Variants in CCDC187 observed in about 807,000 individuals in gnomAD.
The protein encoded by CCDC187 is coiled-coil domain containing 187, also known as coiled-coil domain-containing protein 187.
In CCDC187, 32 loss-of-function variants were observed where a neutral mutation model predicts 38.0. That is an observed-to-expected ratio of 0.84 (90% CI 0.64 to 1.13). The LOEUF (loss-of-function observed/expected upper bound fraction) is 1.13. CCDC187 is among the 50% of genes most tolerant of loss of function. The pLI is 0.00. For missense variants in CCDC187, 707 were observed against 786.8 expected, an observed-to-expected ratio of 0.90 and a Z score of 1.21; for synonymous variants, 333 against 347.9, an observed-to-expected ratio of 0.96 and a Z score of 0.48.
At chr9:136,300,197 G>T in intron 3 of CCDC187, 23 bp downstream of exon 3, 1 of 398,608 alleles carries the variant, frequency 2.5e-6, no homozygotes, top group South Asian at 1.3e-4. Context: ...GAGCACCAGG[G>T]CAGCCGCCGC....
At chr9:136,273,758 C>G (rs1830879398) in intron 14 of CCDC187, among the ~76,000 whole-genome samples, 1 of 152,348 alleles carries the variant, frequency 6.6e-6, no homozygotes, top group Admixed American at 6.5e-5. Flanking sequence ...AGGCCAAAAC[C>G]TAAGTCTGGA....
In CCDC187 at chr9:136,264,902, T is replaced by C. The variant is rs1265733638; in HGVS notation, c.3735+1054A>G. Among the ~76,000 whole-genome samples the C allele has an allele frequency of 2.0e-5, 3 of 152,142 alleles. No homozygotes were observed. The highest frequency in any genetic ancestry group is 4.8e-5 in the African/African-American group (2 of 41,444). On this transcript the variant is annotated intron_variant, in intron 17 of 25. Transcript: ENST00000638797. The surrounding 1 kb of genome is among the most constrained non-coding windows in gnomAD (Gnocchi z 4.3). ...CACCAAATAGCTGGGACTATAGGCA[T>C]TGGCCACCTATAGTGGCAGATTTAT...
rs1272458399 is a variant in CCDC187, at chr9:136,290,842, C to T, written c.1771G>A (p.Gly591Ser). 2.5e-5 allele frequency: 10 copies of T among 398,466 alleles called. No individual in the cohort carries two copies. Among genetic ancestry groups the T allele is most frequent in the South Asian group, 1.3e-4 (1 of 7,870 alleles). The allele number at this position is 398,466 out of a possible 1,614,324, so 24.7% of individuals were successfully genotyped here. ...TGCTTGGCAGCCGAGACGGGGGAGC[C>T]GATGCCTCTGCCCTTGCCCTGGGGG... ...AGPQGKGRGI[G>S]SPVSAAKHAL... The change falls in exon 6 of 26, where the codon GGC (glycine) becomes AGC (serine). Residue 591 changes from glycine (G) to serine (S), a missense_variant. Gly to Ser is a moderately conservative substitution (Grantham distance 56). Coordinates refer to ENST00000638797, the MANE Select transcript of CCDC187 (RefSeq NM_001378188.1).
rs1409546934 is a variant in CCDC187, at chr9:136,252,404, G to A, written c.*1190C>T. The A allele has an allele frequency of 1.6e-5, 3 of 193,536 alleles. No individual in the cohort carries two copies. The highest frequency in any genetic ancestry group is 3.2e-5 in the Non-Finnish European group (3 of 93,046). 12.0% of individuals were successfully genotyped at this position (193,536 alleles called of 1,614,324 possible). ...AGGGGAAGGTCCAGGCAACCGTCCC[G>A]CACAGCCGGCCGCCCACCCTGTCCA... On this transcript the variant is annotated 3_prime_UTR_variant, in exon 26 of 26. Transcript: ENST00000638797.
intron 2 of CCDC187, among the ~76,000 whole-genome samples, chr9:136,301,284 C>G (rs1220758035): frequency 2.6e-5 from 4 of 152,078 alleles, no homozygotes; most frequent in Non-Finnish European, 5.9e-5. Context: ...TTATACCTCC[C>G]ACCGCTACGA....
chr9:136,284,644 G>A (rs1443259274), intron 9 of CCDC187, among the ~76,000 whole-genome samples: 8 of 152,018 alleles, frequency 5.3e-5, no homozygotes, highest in Admixed American at 2.0e-4. Flanking sequence ...CCCTGGACAG[G>A]GATCCCGGCC....
rs1403251459 is a variant in CCDC187 at position 136,253,714 on chromosome 9, C to T, written c.6114G>A (p.Pro2038=). 4 of 985,280 alleles carry T rather than the reference C, an allele frequency of 4.1e-6. No individual in the cohort carries two copies. The highest frequency in any genetic ancestry group is 6.2e-5 in the Admixed American group (1 of 16,254). The allele number at this position is 985,280 out of a possible 1,614,324, so 61.0% of individuals were successfully genotyped here. A position where few individuals can be genotyped will look rare whatever the true frequency, so the allele number is the denominator to read the frequency against. The change falls in exon 26 of 26, where the codon CCG becomes CCA. Residue 2038 remains proline, a synonymous_variant. Coordinates refer to ENST00000638797, the MANE Select transcript of CCDC187 (RefSeq NM_001378188.1). ...TGTCCTCCTCAAGGGGCCCCGAGGG[C>T]GGGGAAGGGAAGGCATCCGAGCATG... ...TNPCSDAFPS[P]PSGPLEEDTA... is the part of the protein sequence containing the mutation.
chr9:136,263,206 C>T (rs1830699955), intron 18 of CCDC187, among the ~76,000 whole-genome samples: 1 of 151,382 alleles, frequency 6.6e-6, no homozygotes, highest in African/African-American at 2.4e-5. Context: ...CCCACCCCAC[C>T]CCCCAGCAAG....
chr9:136,265,969 A>C lies in CCDC187; in HGVS notation c.3722T>G (p.Leu1241Trp), dbSNP rs1830738852. ...TGCTGGCCCCACCTGCTCCTTCTCC[A>C]ATCTGCTGAGGGCTTGCTGCTGCTT... ...VEKQQQALSR[L>W]EKEQREIQYL... The change falls in exon 17 of 26, where the codon TTG (leucine) becomes TGG (tryptophan). Residue 1241 changes from leucine (L) to tryptophan (W), a missense_variant. Leu to Trp is a moderately conservative substitution (Grantham distance 61, BLOSUM62 -2). Transcript: ENST00000638797. 1 of 985,330 alleles carries C rather than the reference A, an allele frequency of 1.0e-6. No individual in the cohort carries two copies. The highest frequency in any genetic ancestry group is 6.1e-5 in the Admixed American group (1 of 16,272). 61.0% of individuals were successfully genotyped at this position (985,330 alleles called of 1,614,324 possible).
Position 136,257,676 on chromosome 9 carries a change from G to A in CCDC187, c.4367-835C>T, listed in dbSNP as rs1306707833. ...TCTCCCTAGACTTTCGTTCTGTGGGGTCAGGGGACTCTGAGAGCCAAGGCC... is the reference window on the plus strand; with the variant it reads ...TCTCCCTAGACTTTCGTTCTGTGGGATCAGGGGACTCTGAGAGCCAAGGCC... On this transcript the variant is annotated intron_variant, in intron 22 of 25. Transcript: ENST00000638797. This position sits in a 1 kb window ranked among gnomAD's most constrained non-coding sequence, Gnocchi z 4.5. Among the ~76,000 whole-genome samples, 3 of 152,188 alleles carry A rather than the reference G, an allele frequency of 2.0e-5. No homozygotes were observed. The highest frequency in any genetic ancestry group is 4.4e-5 in the Non-Finnish European group (3 of 68,022).
intron 10 of CCDC187, among the ~76,000 whole-genome samples, chr9:136,279,649 G>A (rs1588660996): frequency 6.6e-6 from 1 of 152,244 alleles, no homozygotes; most frequent in Non-Finnish European, 1.5e-5. Flanking sequence ...CCAGCAGTGG[G>A]AGAACGGAGC....
intron 4 of CCDC187, among the ~76,000 whole-genome samples, chr9:136,293,581 C>T (rs1322130337): frequency 6.6e-6 from 1 of 151,424 alleles, no homozygotes; most frequent in Admixed American, 6.6e-5. Context: ...GTGCCCACAA[C>T]TCCCTCACGT....
At chr9:136,281,098 C>T (rs900103795) in intron 10 of CCDC187, 22 of 263,538 alleles carry the variant, frequency 8.3e-5, no homozygotes, top group Admixed American at 2.2e-4. Context: ...GGTCCTACAG[C>T]GCAGCCCACG....
chr9:136,293,940 CCACA>C (rs1223300064), intron 4 of CCDC187, among the ~76,000 whole-genome samples: 5 of 150,034 alleles, frequency 3.3e-5, no homozygotes, highest in South Asian at 4.2e-4. Context: ...TCGTGCTCTC[CCACA>C]CACACATGCT....
chr9:136,299,632 G>A (rs1241683844), intron 3 of CCDC187, among the ~76,000 whole-genome samples: 3 of 152,284 alleles, frequency 2.0e-5, no homozygotes, highest in South Asian at 4.1e-4. Context: ...CGGGATGAAG[G>A]CCACATCCTC....
In CCDC187 at chr9:136,254,047, T is replaced by C. The variant is rs371931810; in HGVS notation, c.5781A>G (p.Lys1927=). 3.3e-4 allele frequency: 324 copies of C among 984,838 alleles called. 3 individuals are homozygous for C. The African/African-American group carries it at 5.2e-3, about 16-fold the overall frequency. 61.0% of individuals were successfully genotyped at this position (984,838 alleles called of 1,614,324 possible). ...DADPSPSTKS[K]LPYLMPEPET... is the part of the protein sequence containing the mutation. Reference sequence around the variant, plus strand: ...CGGGCTCTGGCATGAGGTACGGGAGTTTGCTCTTGGTGGATGGGCTCGGGT... The same window carrying C: ...CGGGCTCTGGCATGAGGTACGGGAGCTTGCTCTTGGTGGATGGGCTCGGGT... Residue 1927 remains lysine (K), a synonymous_variant, in exon 26 of 26, where the codon AAA becomes AAG. Transcript: ENST00000638797.
intron 9 of CCDC187, among the ~76,000 whole-genome samples, chr9:136,284,217 G>C (rs987109452): frequency 0.043 from 6,609 of 152,218 alleles, 531 homozygotes; most frequent in African/African-American, 0.15. Flanking sequence ...CAGCCCCTCT[G>C]CTGCAGTGCC....
intron 19 of CCDC187, among the ~76,000 whole-genome samples, chr9:136,260,541 G>A (rs933178489): frequency 9.9e-5 from 15 of 151,638 alleles, no homozygotes; most frequent in African/African-American, 2.7e-4. Context: ...CTGGGCCCCC[G>A]AGAATCACGG....
Position 136,250,739 on chromosome 9 carries a change from G to C in CCDC187, c.*2855C>G. On this transcript the variant is annotated 3_prime_UTR_variant, in exon 26 of 26. Coordinates refer to ENST00000638797, the MANE Select transcript of CCDC187 (RefSeq NM_001378188.1). ...GTGCAAAATCAGATGCATGGCCCGA[G>C]CTGGGCTTCCTGTGCACATGGTGAA... The C allele has an allele frequency of 2.2e-6, 1 of 456,296 alleles. No individual in the cohort carries two copies. Among genetic ancestry groups the C allele is most frequent in the Non-Finnish European group, 4.4e-6 (1 of 226,954 alleles). The allele number at this position is 456,296 out of a possible 1,614,324, so 28.3% of individuals were successfully genotyped here. A position where few individuals can be genotyped will look rare whatever the true frequency, so the allele number is the denominator to read the frequency against.
Sources: gnomAD v4.1 joint callset for allele counts (sites outside exome capture counted in the v4.1 genomes callset) on GRCh38, gnomAD v4.1.1 for gene constraint, Gnocchi (gnomAD v3.1) non-coding constraint, MANE v1.5 for transcripts, NCBI Gene and HGNC (gene_info 2026-07-23, HGNC 2026-07-21) for gene names.